Variants in CUX1 observed in about 807,000 individuals in gnomAD.
The protein encoded by CUX1 is protein CASP.
Under a neutral mutation model 158.8 loss-of-function variants are expected in CUX1, and 31 were observed. That is an observed-to-expected ratio of 0.20 (90% CI 0.15 to 0.26). CUX1 has a LOEUF of 0.26. Ranked by LOEUF, CUX1 falls within the 10% of genes least tolerant of loss-of-function variation. The probability of loss-of-function intolerance (pLI) is 1.00; values close to 1 mark genes in which losing one functional copy is unlikely to be tolerated. For synonymous variants in CUX1, 879 were observed against 862.1 expected, an observed-to-expected ratio of 1.02 and a Z score of -0.34; for missense variants, 1,589 against 2,014.6, an observed-to-expected ratio of 0.79 and a Z score of 4.04.
chr7:101,956,234 T>C (rs1459839149), intron 2 of CUX1, among the ~76,000 whole-genome samples: 1 of 149,222 alleles, frequency 6.7e-6, no homozygotes, highest in Admixed American at 6.7e-5. Flanking sequence ...AGGGATGAAA[T>C]GCACGCGCCC....
chr7:101,929,945 G>A (rs1189042121), intron 2 of CUX1, among the ~76,000 whole-genome samples: 4 of 152,128 alleles, frequency 2.6e-5, no homozygotes, highest in South Asian at 4.1e-4. Flanking sequence ...GGGTTCAAGC[G>A]ATTCTCCTAC....
chr7:102,110,465 AGTTCAT>A (rs1430964127), intron 6 of CUX1, among the ~76,000 whole-genome samples: 1 of 152,172 alleles, frequency 6.6e-6, no homozygotes, highest in East Asian at 1.9e-4. Context: ...GTTACGTGTT[AGTTCAT>A]GTTACGCTCT....
intron 1 of CUX1, among the ~76,000 whole-genome samples, chr7:101,847,761 G>C (rs1342695499): frequency 1.3e-5 from 2 of 151,862 alleles, no homozygotes; most frequent in Non-Finnish European, 2.9e-5. Flanking sequence ...GGTGTTGGCA[G>C]CTCACCCATA....
intron 9 of CUX1, among the ~76,000 whole-genome samples, chr7:102,159,433 C>T (rs114319282): frequency 5.8e-4 from 89 of 152,360 alleles, no homozygotes; most frequent in African/African-American, 2.0e-3. Context: ...TAACCATTAG[C>T]GTACTTTTGG....
chr7:102,184,041 G>C (rs1554514678), intron 11 of CUX1, among the ~76,000 whole-genome samples: 1 of 152,044 alleles, frequency 6.6e-6, no homozygotes, highest in African/African-American at 2.4e-5. Context: ...GGGACTACAG[G>C]CACACGCCAC....
rs1444519364 is a variant in CUX1, at chr7:101,916,186, TATCGAAC to T, written c.104_110del (p.Ile35ArgfsTer17). The T allele has an allele frequency of 6.2e-7, 1 of 1,613,808 alleles. No homozygotes were observed. Among genetic ancestry groups the T allele is most frequent in the Non-Finnish European group, 8.5e-7 (1 of 1,179,894 alleles). ...AAAGTGAGCAGTCCAGAAAGCGGCT[TATCGAAC>T]AGAGCCGGGAGTTCAAGAAGAACAC... On this transcript the variant is annotated frameshift_variant, in exon 2 of 24. Transcript: ENST00000292535. LOFTEE classifies it high-confidence loss of function. This position sits in a 1 kb window ranked among gnomAD's most constrained non-coding sequence, Gnocchi z 4.4.
chr7:102,043,792 G>A (rs1458963890), intron 3 of CUX1, among the ~76,000 whole-genome samples: 1 of 152,030 alleles, frequency 6.6e-6, no homozygotes, highest in East Asian at 1.9e-4. Flanking sequence ...TCCCATAATG[G>A]CTGTACCAAT....
chr7:101,923,063 T>C (rs1805148930), intron 2 of CUX1, among the ~76,000 whole-genome samples: 1 of 152,254 alleles, frequency 6.6e-6, no homozygotes, highest in Non-Finnish European at 1.5e-5. Flanking sequence ...AGAGTTCTTC[T>C]GGAGGCGAGG....
intron 2 of CUX1, among the ~76,000 whole-genome samples, chr7:101,979,805 A>G (rs561773236): frequency 6.6e-6 from 1 of 152,298 alleles, no homozygotes; most frequent in East Asian, 1.9e-4. Context: ...GCCCACCACC[A>G]TGCCCAGCTA....
chr7:101,849,769 AT>A (rs1045746791), intron 1 of CUX1, among the ~76,000 whole-genome samples: 75 of 152,220 alleles, frequency 4.9e-4, no homozygotes, highest in Middle Eastern at 3.4e-3. Flanking sequence ...GTCTTCTATA[AT>A]GGCTGAACTA....
chr7:101,942,522 G>T (rs1449263058), intron 2 of CUX1, among the ~76,000 whole-genome samples: 2 of 152,148 alleles, frequency 1.3e-5, no homozygotes, highest in African/African-American at 4.8e-5. Flanking sequence ...GAGTGCAGTG[G>T]TGTGGTCTCA....
chr7:101,859,374 C>A (rs984787975), intron 1 of CUX1, among the ~76,000 whole-genome samples: 2 of 152,208 alleles, frequency 1.3e-5, no homozygotes, highest in African/African-American at 4.8e-5. Context: ...CGTGATTCAG[C>A]TTCTTTTAAA....
In CUX1 at chr7:101,975,831, T is replaced by G. The variant is rs193073767; in HGVS notation, c.142-52267T>G. Among the ~76,000 whole-genome samples, 76 of 152,314 alleles carry G rather than the reference T, an allele frequency of 5.0e-4. No homozygotes were observed. The East Asian group carries it at 0.014, about 28-fold the overall frequency. ...GTTGGTCTTTTACCTCGTCGTCATC[T>G]TACTCACTTTTAAAGAGCATGAATT... is the stretch of plus-strand genomic sequence containing the variant. On this transcript the variant is annotated intron_variant, in intron 2 of 23. Coordinates refer to ENST00000292535, the MANE Select transcript of CUX1 (RefSeq NM_181552.4).
chr7:102,046,568 G>GTTTTTTTTTTTTTTTT (rs1461868011), intron 3 of CUX1, among the ~76,000 whole-genome samples: 1 of 89,500 alleles, frequency 1.1e-5, no homozygotes. Context: ...GTTTGGTTTG[G>GTTTTTTTTTTTTTTTT]ATTTTTTTTT....
chr7:101,875,374 A>G (rs989223297), intron 1 of CUX1, among the ~76,000 whole-genome samples: 1 of 152,196 alleles, frequency 6.6e-6, no homozygotes, highest in Non-Finnish European at 1.5e-5. Flanking sequence ...GCATTAGACA[A>G]TGATTTCTCT....
rs117634724 is a variant in CUX1 at position 102,016,159 on chromosome 7, G to A, written c.142-11939G>A. Among the ~76,000 whole-genome samples the A allele has an allele frequency of 1.1e-3, 164 of 152,160 alleles. 2 individuals carry two copies. The East Asian group carries it at 0.024, about 22-fold the overall frequency. On this transcript the variant is annotated intron_variant, in intron 2 of 23. Coordinates refer to ENST00000292535, the MANE Select transcript of CUX1 (RefSeq NM_181552.4). ...GATGGGGTCTGGTTATGTTGCCCAG[G>A]CTGGTGTTGAGCTCCAGAGCTAAAG...
At chr7:102,054,971 CAAA>C (rs995738401) in intron 3 of CUX1, among the ~76,000 whole-genome samples, 2 of 126,106 alleles carry the variant, frequency 1.6e-5, no homozygotes, top group African/African-American at 5.9e-5. Flanking sequence ...ACCCTGTCTC[CAAA>C]AAAAAAAAAG....
intron 11 of CUX1, among the ~76,000 whole-genome samples, chr7:102,179,314 C>G (rs1457827989): frequency 6.6e-6 from 1 of 152,212 alleles, no homozygotes; most frequent in Admixed American, 6.5e-5. Context: ...TGCCAAAGTG[C>G]TGAGATTACA....
rs1478248442 is a variant in CUX1, at chr7:102,253,596, TAGC to T, written c.*4557_*4559del. 1.1e-5 allele frequency: 11 copies of T among 985,282 alleles called. No homozygotes were observed. Among genetic ancestry groups the T allele is most frequent in the Middle Eastern group, 5.2e-4 (1 of 1,936 alleles). The allele number at this position is 985,282 out of a possible 1,614,324, so 61.0% of individuals were successfully genotyped here. A position where few individuals can be genotyped will look rare whatever the true frequency, so the allele number is the denominator to read the frequency against. On this transcript the variant is annotated 3_prime_UTR_variant, in exon 24 of 24. Transcript: ENST00000292535. ...TAGCAAAGCAAATCTTACTGAAAAA[TAGC>T]AGAGCCAGGGGAACAGACGCATGTC...
Sources: gnomAD v4.1 joint callset for allele counts (sites outside exome capture counted in the v4.1 genomes callset) on GRCh38, gnomAD v4.1.1 for gene constraint, Gnocchi (gnomAD v3.1) non-coding constraint, MANE v1.5 for transcripts, NCBI Gene and HGNC (gene_info 2026-07-23, HGNC 2026-07-21) for gene names.